Variants in MYH15 observed in about 807,000 individuals in gnomAD.
MYH15 encodes myosin-15.
In MYH15, 227 loss-of-function variants were observed where a neutral mutation model predicts 240.5. The ratio of observed to expected loss-of-function variants is 0.94; its 90% CI spans 0.85 to 1.05. MYH15 has a LOEUF of 1.05. Ranked by LOEUF, MYH15 falls within the 50% of genes least tolerant of loss-of-function variation. The pLI is 0.00. For synonymous variants in MYH15, 785 were observed against 796.7 expected, an observed-to-expected ratio of 0.99 and a Z score of 0.25; for missense variants, 2,217 against 2,247.5, an observed-to-expected ratio of 0.99 and a Z score of 0.27.
In MYH15 at chr3:108,443,558, C is replaced by T. The variant is rs140839991; in HGVS notation, c.2655+1082G>A. Among the ~76,000 whole-genome samples, 995 of 152,232 alleles carry T rather than the reference C, an allele frequency of 6.5e-3. 9 individuals are homozygous for T. The highest frequency in any genetic ancestry group is 0.019 in the African/African-American group (793 of 41,536). ...AGGTGGTTAAAATTTCATCCTGGCC[C>T]TTTGGGCTGTTTCAGGATCACAGTA... On this transcript the variant is annotated intron_variant, in intron 22 of 40. Coordinates refer to ENST00000693548, the MANE Select transcript of MYH15 (RefSeq NM_014981.3).
At chr3:108,516,554 C>T (rs1213595789) in intron 1 of MYH15, among the ~76,000 whole-genome samples, 1 of 152,160 alleles carries the variant, frequency 6.6e-6, no homozygotes, top group African/African-American at 2.4e-5. Context: ...TAATTAGGGA[C>T]ACTACTAGGT....
At chr3:108,488,406 C>T (rs1289735781) in intron 9 of MYH15, among the ~76,000 whole-genome samples, 1 of 152,174 alleles carries the variant, frequency 6.6e-6, no homozygotes, top group Non-Finnish European at 1.5e-5. Context: ...CTCCCAGGCT[C>T]AAGTGATCCT....
Position 108,470,123 on chromosome 3 carries a change from C to T in MYH15, c.1473G>A (p.Glu491=), listed in dbSNP as rs1345724125. 5.6e-6 allele frequency: 9 copies of T among 1,611,502 alleles called. No homozygotes were observed. In the African/African-American group the frequency reaches 1.2e-4, roughly 22 times the overall value. The part of the protein sequence containing the change: ...FNWHMFVLEQ[E]EYKKESIEWV... ...ATTCAATGCTTTCTTTCTTATATTCCTCTTGCTCCAGAACAAACATGTGCC... is the reference window on the plus strand; with the variant it reads ...ATTCAATGCTTTCTTTCTTATATTCTTCTTGCTCCAGAACAAACATGTGCC... The change falls in exon 14 of 41, where the codon GAG becomes GAA. Residue 491 remains glutamate (E), a synonymous_variant. Transcript: ENST00000693548.
At chr3:108,405,985 C>T (rs192655294) in intron 32 of MYH15, among the ~76,000 whole-genome samples, 10 of 152,260 alleles carry the variant, frequency 6.6e-5, no homozygotes, top group African/African-American at 2.4e-4. Flanking sequence ...TGACATGTAA[C>T]ACTCAGTGTG....
chr3:108,382,362 C>G (rs1315999593), intron 40 of MYH15, among the ~76,000 whole-genome samples: 2 of 152,104 alleles, frequency 1.3e-5, no homozygotes, highest in Non-Finnish European at 2.9e-5. Context: ...TAAGTATATT[C>G]AATATAACCA....
intron 12 of MYH15, among the ~76,000 whole-genome samples, chr3:108,473,924 ATC>A (rs1429779252): frequency 2.0e-5 from 3 of 152,216 alleles, no homozygotes; most frequent in African/African-American, 7.2e-5. Flanking sequence ...GGGGCCAGGA[ATC>A]CCAAACATCT....
At chr3:108,463,377 T>C (rs952864310) in intron 15 of MYH15, 134 bp from the exon 16 acceptor site, 12 of 956,072 alleles carry the variant, frequency 1.3e-5, no homozygotes, top group Non-Finnish European at 1.5e-5. Context: ...TGCAGTGGCA[T>C]AGTCACAGTT....
chr3:108,493,293 T>TA (rs1180904237), intron 7 of MYH15, 116 bp from the exon 8 acceptor site: 27 of 455,018 alleles, frequency 5.9e-5, no homozygotes, highest in South Asian at 2.4e-4. Context: ...TCCCCAGAAG[T>TA]AAAAAACAAA....
intron 2 of MYH15, among the ~76,000 whole-genome samples, chr3:108,505,171 G>A (rs2083465715): frequency 1.3e-5 from 2 of 152,078 alleles, no homozygotes; most frequent in South Asian, 4.2e-4. Flanking sequence ...AGTAGAAATG[G>A]CTGTGAGTTC....
At chr3:108,451,532 C>T (rs2082974002) in intron 21 of MYH15, among the ~76,000 whole-genome samples, 1 of 151,880 alleles carries the variant, frequency 6.6e-6, no homozygotes, top group Admixed American at 6.6e-5. Flanking sequence ...TAAATTGAAT[C>T]AAAATATAAA....
At chr3:108,492,448 A>T in intron 9 of MYH15, 52 bp downstream of exon 9, 2 of 1,336,614 alleles carry the variant, frequency 1.5e-6, no homozygotes, top group Non-Finnish European at 2.1e-6. Flanking sequence ...CCCAAATATG[A>T]CTTATTTTTC....
At position 108,438,852 on chromosome 3, in the gene MYH15, G is replaced by T. The variant is rs2082862280; in HGVS notation, c.3075+885C>A. On this transcript the variant is annotated intron_variant, in intron 24 of 40. Transcript: ENST00000693548. Reference sequence around the variant, plus strand: ...CTGAATGGACTAAGACACCAGGAGAGAATAAGTGTGTGGGTGGGTGTGTGG... The same window carrying T: ...CTGAATGGACTAAGACACCAGGAGATAATAAGTGTGTGGGTGGGTGTGTGG... Among the ~76,000 whole-genome samples, 3 of 152,278 alleles carry T rather than the reference G, an allele frequency of 2.0e-5. No homozygotes were observed. The East Asian group carries it at 5.8e-4, about 29-fold the overall frequency.
Position 108,500,312 on chromosome 3 carries a change from A to G in MYH15, c.340-38T>C, listed in dbSNP as rs2083426542. 6 of 1,583,080 alleles carry G rather than the reference A, an allele frequency of 3.8e-6. No individual in the cohort carries two copies. The East Asian group carries it at 1.3e-4, about 36-fold the overall frequency. ...CAGAAAAGATTTCAGAAACTAGATT[A>G]GAAATACTTCCAGGTTTGTCAGCTC... On this transcript the variant is annotated intron_variant, in intron 3 of 40. Transcript: ENST00000693548.
chr3:108,531,213 CAAAG>C (rs2083708203), upstream of MYH15, among the ~76,000 whole-genome samples: 1 of 152,086 alleles, frequency 6.6e-6, no homozygotes, highest in Non-Finnish European at 1.5e-5. Context: ...AGTGGGAATA[CAAAG>C]AAAGATATTA....
At chr3:108,408,199 T>G in intron 32 of MYH15, 81 bp downstream of exon 32, 1 of 1,451,370 alleles carries the variant, frequency 6.9e-7, no homozygotes, top group Non-Finnish European at 9.3e-7. Context: ...CGTGTCCTTT[T>G]GTTGGTGCTG....
chr3:108,385,454 G>T (rs759347195), intron 38 of MYH15, among the ~76,000 whole-genome samples: 2 of 152,200 alleles, frequency 1.3e-5, no homozygotes, highest in African/African-American at 2.4e-5. Flanking sequence ...CCAGCCTCGG[G>T]CTGAAGAAAG....
chr3:108,467,102 G>T (rs565111415), intron 14 of MYH15, among the ~76,000 whole-genome samples: 7 of 152,024 alleles, frequency 4.6e-5, no homozygotes, highest in East Asian at 1.9e-4. Flanking sequence ...GGTAACTAAA[G>T]TGTAGGCCCT....
At chr3:108,543,696 G>A in the MYH15 span, 2 of 152,236 alleles carry the variant, frequency 1.3e-5, no homozygotes, top group African/African-American at 4.8e-5. Context: ...ATCTCCCTGT[G>A]GGACATCCTA....
chr3:108,478,502 T>C (rs567420122), intron 11 of MYH15, among the ~76,000 whole-genome samples: 2 of 152,250 alleles, frequency 1.3e-5, no homozygotes, highest in African/African-American at 2.4e-5. Context: ...TAATTTCAAA[T>C]TGAGAATCCA....
Sources: gnomAD v4.1 joint callset for allele counts (sites outside exome capture counted in the v4.1 genomes callset) on GRCh38, gnomAD v4.1.1 for gene constraint, MANE v1.5 for transcripts, NCBI Gene and HGNC (gene_info 2026-07-23, HGNC 2026-07-21) for gene names.